Variants in PTH2R observed in about 807,000 individuals in gnomAD.
The protein encoded by PTH2R is PTH2 receptor.
In PTH2R, 59 loss-of-function variants were observed where a neutral mutation model predicts 60.3. The observed-to-expected ratio is 0.98, with a 90% CI of 0.79 to 1.22. The LOEUF (loss-of-function observed/expected upper bound fraction) is 1.22. PTH2R is among the 50% of genes most tolerant of loss of function. The pLI, the probability that PTH2R is intolerant of heterozygous loss-of-function variation, is 0.00. For synonymous variants in PTH2R, 256 were observed against 243.8 expected, an observed-to-expected ratio of 1.05 and a Z score of -0.47; for missense variants, 749 against 682.6, an observed-to-expected ratio of 1.10 and a Z score of -1.08.
rs952731082 is a variant in PTH2R at position 208,442,255 on chromosome 2, A to C, written c.412-109A>C. On this transcript the variant is annotated intron_variant, in intron 4 of 12. Transcript: ENST00000272847. ...TTATTGCATGCAAATTACAGCTTAA[A>C]AAAGTTAAAGAGAATTAGAAATAAG... The C allele has an allele frequency of 7.1e-6, 6 of 843,722 alleles. No homozygotes were observed. The African/African-American group carries it at 8.5e-5, about 12-fold the overall frequency. 52.3% of individuals were successfully genotyped at this position (843,722 alleles called of 1,614,324 possible).
chr2:208,420,857 G>A (rs1427629778), intron 1 of PTH2R, among the ~76,000 whole-genome samples: 1 of 152,174 alleles, frequency 6.6e-6, no homozygotes, highest in Non-Finnish European at 1.5e-5. Flanking sequence ...CACATGTAAA[G>A]TTGCATGTGA....
intron 1 of PTH2R, among the ~76,000 whole-genome samples, chr2:208,424,431 C>T (rs74834437): frequency 2.5e-4 from 38 of 152,258 alleles, no homozygotes; most frequent in African/African-American, 7.5e-4. Flanking sequence ...AAATTTCTTG[C>T]GATAGTTCCC....
intron 1 of PTH2R, chr2:208,361,117 G>A (rs1700464079): frequency 6.0e-6 from 1 of 167,812 alleles, no homozygotes; most frequent in South Asian, 1.5e-4. Flanking sequence ...AGCAGGCAGT[G>A]GGTGCGGGCT....
chr2:208,444,992 C>T lies in PTH2R; in HGVS notation c.853+105C>T, dbSNP rs190923586. On this transcript the variant is annotated intron_variant, in intron 7 of 12. Transcript: ENST00000272847. ...CTACAGCCATTTTCCTGAAACAATC[C>T]CTCCCATTCTTATTTTTTATCTCCC... 4.2e-4 allele frequency: 489 copies of T among 1,171,206 alleles called. 2 individuals carry two copies. The Middle Eastern group carries it at 0.012, about 28-fold the overall frequency. The allele number at this position is 1,171,206 out of a possible 1,614,324, so 72.6% of individuals were successfully genotyped here.
upstream of PTH2R, among the ~76,000 whole-genome samples, chr2:208,402,014 G>A (rs1469508464): frequency 6.6e-6 from 1 of 152,160 alleles, no homozygotes; most frequent in Non-Finnish European, 1.5e-5. Context: ...GGTGGCACAT[G>A]ACTGGCTACC....
chr2:208,451,278 C>G (rs1702403562), intron 8 of PTH2R, among the ~76,000 whole-genome samples: 1 of 152,062 alleles, frequency 6.6e-6, no homozygotes, highest in South Asian at 2.1e-4. Context: ...GAATCTGGTG[C>G]CCTGGGCCAG....
At chr2:208,389,818 GGTT>G (rs1213902087) in intron 1 of PTH2R, among the ~76,000 whole-genome samples, 2 of 151,786 alleles carry the variant, frequency 1.3e-5, no homozygotes, top group Non-Finnish European at 2.9e-5. Flanking sequence ...GGGGTGGGGG[GGTT>G]GTTTGTTTTC....
chr2:208,382,688 G>A (rs896964663), intron 1 of PTH2R, among the ~76,000 whole-genome samples: 10 of 152,190 alleles, frequency 6.6e-5, no homozygotes, highest in Admixed American at 2.6e-4. Flanking sequence ...TCTAGTTACT[G>A]AACTATCAGA....
chr2:208,484,089 T>C (rs181542026), intron 10 of PTH2R, among the ~76,000 whole-genome samples: 58 of 152,362 alleles, frequency 3.8e-4, no homozygotes, highest in African/African-American at 1.3e-3. Flanking sequence ...GTCTAACAAA[T>C]GTTCAAATAT....
At chr2:208,401,023 A>G (rs1466811759) in intron 1 of PTH2R, among the ~76,000 whole-genome samples, 2 of 152,260 alleles carry the variant, frequency 1.3e-5, no homozygotes, top group African/African-American at 2.4e-5. Flanking sequence ...GAGTTAGTAG[A>G]CATAGCTTAT....
chr2:208,447,744 AT>A (rs1429052597), intron 7 of PTH2R, among the ~76,000 whole-genome samples: 3 of 152,004 alleles, frequency 2.0e-5, no homozygotes, highest in African/African-American at 7.2e-5. Context: ...TTTACATTTT[AT>A]TATTATAAAA....
Position 208,463,469 on chromosome 2 carries a change from C to T in PTH2R, c.981+3508C>T, listed in dbSNP as rs545810822. ...ATCCCAGGTCTGCCCTGTTGTTGAG[C>T]GTGCAGGCTGAAATTTTATGGTACA... is the stretch of plus-strand genomic sequence containing the variant. On this transcript the variant is annotated intron_variant, in intron 9 of 12. Coordinates refer to ENST00000272847, the MANE Select transcript of PTH2R (RefSeq NM_005048.4). Among the ~76,000 whole-genome samples, 14 of 152,202 alleles carry T rather than the reference C, an allele frequency of 9.2e-5. 1 individual carries two copies. The South Asian group carries it at 1.9e-3, about 20-fold the overall frequency.
At chr2:208,478,786 G>A (rs1375171349) in intron 9 of PTH2R, among the ~76,000 whole-genome samples, 1 of 152,088 alleles carries the variant, frequency 6.6e-6, no homozygotes, top group Non-Finnish European at 1.5e-5. Flanking sequence ...GGCCGCATGG[G>A]CTGCATTAAG....
intron 2 of PTH2R, among the ~76,000 whole-genome samples, chr2:208,435,353 G>T (rs113334120): frequency 6.6e-6 from 1 of 152,118 alleles, no homozygotes; most frequent in East Asian, 1.9e-4. Context: ...TGTATGCTGT[G>T]TCACATGGCA....
At chr2:208,408,887 T>G (rs1701481816) in intron 1 of PTH2R, among the ~76,000 whole-genome samples, 1 of 152,178 alleles carries the variant, frequency 6.6e-6, no homozygotes, top group Admixed American at 6.5e-5. Context: ...ACCTTGGCAT[T>G]GTTGACATTT....
chr2:208,484,093 C>T (rs1467030495), intron 10 of PTH2R, among the ~76,000 whole-genome samples: 1 of 152,150 alleles, frequency 6.6e-6, no homozygotes, highest in Non-Finnish European at 1.5e-5. Context: ...AACAAATGTT[C>T]AAATATTCTT....
chr2:208,428,226 T>TAGAG lies in PTH2R; in HGVS notation c.102_105dup (p.Glu36ArgfsTer15). On this transcript the variant is annotated frameshift_variant, in exon 2 of 13. Coordinates refer to ENST00000272847, the MANE Select transcript of PTH2R (RefSeq NM_005048.4). LOFTEE classifies it high-confidence loss of function. ...CTGGATTCTGATGGCACCATTACTATAGAGGAGCAGATTGTCCTTGTGCTG... is the reference window on the plus strand; with the variant it reads ...CTGGATTCTGATGGCACCATTACTATAGAGAGAGGAGCAGATTGTCCTTGTGCTG... 6.2e-7 allele frequency: 1 copy of TAGAG among 1,613,138 alleles called. No individual in the cohort carries two copies. The highest frequency in any genetic ancestry group is 8.5e-7 in the Non-Finnish European group (1 of 1,179,340).
chr2:208,479,891 T>C (rs1276850010), intron 9 of PTH2R, among the ~76,000 whole-genome samples: 1 of 152,172 alleles, frequency 6.6e-6, no homozygotes, highest in East Asian at 1.9e-4. Context: ...TCATGTAAGG[T>C]TTTAAATTAG....
At chr2:208,478,154 T>C (rs1324126915) in intron 9 of PTH2R, among the ~76,000 whole-genome samples, 2 of 152,190 alleles carry the variant, frequency 1.3e-5, no homozygotes, top group Non-Finnish European at 2.9e-5. Flanking sequence ...ATTTATTCTA[T>C]TGTTATCTTT....
Sources: allele counts gnomAD v4.1 joint callset (sites outside exome capture counted in the v4.1 genomes callset), GRCh38; gene constraint gnomAD v4.1.1; transcripts MANE v1.5; gene names NCBI Gene and HGNC (gene_info 2026-07-23, HGNC 2026-07-21).